ZMYND8: variants seen among roughly 807,000 people sequenced by gnomAD.
ZMYND8 encodes the protein zinc finger MYND-type containing 8, also known as MYND-type zinc finger-containing chromatin reader ZMYND8.
ZMYND8 carries 37 observed loss-of-function variants against 140.8 expected under a neutral mutation model. The observed-to-expected ratio is 0.26, with a 90% CI of 0.20 to 0.35. The LOEUF (loss-of-function observed/expected upper bound fraction) is 0.35. Ranked by LOEUF, ZMYND8 falls within the 10% of genes least tolerant of loss-of-function variation. The pLI is 1.00. For synonymous variants in ZMYND8, 592 were observed against 597.1 expected, an observed-to-expected ratio of 0.99 and a Z score of 0.12; for missense variants, 1,068 against 1,570.0, an observed-to-expected ratio of 0.68 and a Z score of 5.40.
At chr20:47,327,046 A>T (rs567796129) in intron 2 of ZMYND8, among the ~76,000 whole-genome samples, 1 of 152,120 alleles carries the variant, frequency 6.6e-6, no homozygotes, top group Non-Finnish European at 1.5e-5. Flanking sequence ...AAACCAGGTC[A>T]GCCTTATTAG....
At chr20:47,224,175 G>A (rs2037379429) in intron 19 of ZMYND8, 142 bp downstream of exon 19, 2 of 1,384,204 alleles carry the variant, frequency 1.4e-6, no homozygotes, top group African/African-American at 2.9e-5. Context: ...CTGTGTGTAA[G>A]ACACAATTGT....
intron 2 of ZMYND8, among the ~76,000 whole-genome samples, chr20:47,335,915 T>C (rs1205151602): frequency 6.6e-6 from 1 of 152,216 alleles, no homozygotes; most frequent in Non-Finnish European, 1.5e-5. Context: ...AATCTGGTAG[T>C]CATCTAACTC....
intron 21 of ZMYND8, among the ~76,000 whole-genome samples, chr20:47,215,199 C>A (rs940981200): frequency 1.3e-5 from 2 of 152,070 alleles, no homozygotes; most frequent in African/African-American, 4.8e-5. Flanking sequence ...ACGGTGAAAC[C>A]CCATCTCTAA....
intron 3 of ZMYND8, among the ~76,000 whole-genome samples, chr20:47,302,678 C>T (rs2078150403): frequency 6.6e-6 from 1 of 152,048 alleles, no homozygotes; most frequent in Non-Finnish European, 1.5e-5. Flanking sequence ...AAGACTCAAA[C>T]CTGGGTCTCC....
In ZMYND8 at chr20:47,210,412, C is replaced by CT. The variant is rs770865032; in HGVS notation, c.*348dup. The CT allele has an allele frequency of 6.3e-3, 644 of 102,408 alleles. 3 individuals are homozygous for CT. Among genetic ancestry groups the CT allele is most frequent in the Admixed American group, 0.022 (238 of 10,750 alleles). 6.3% of individuals were successfully genotyped at this position (102,408 alleles called of 1,614,324 possible). A position where few individuals can be genotyped will look rare whatever the true frequency, so the allele number is the denominator to read the frequency against. ...TCTTTTTTGTTGTTGGGGTTGGTTG[C>CT]TTTTTTTTTTTTTTTTAAATCGTTT... On this transcript the variant is annotated 3_prime_UTR_variant, in exon 23 of 23. Coordinates refer to ENST00000471951, the MANE Select transcript of ZMYND8 (RefSeq NM_001281775.3).
chr20:47,219,638 T>G (rs1374867570), intron 21 of ZMYND8, among the ~76,000 whole-genome samples: 1 of 151,970 alleles, frequency 6.6e-6, no homozygotes, highest in Non-Finnish European at 1.5e-5. Flanking sequence ...TCTGAACCCT[T>G]CTGGAATGAC....
intron 2 of ZMYND8, among the ~76,000 whole-genome samples, chr20:47,327,116 G>A (rs1272270841): frequency 6.6e-6 from 1 of 152,040 alleles, no homozygotes; most frequent in Non-Finnish European, 1.5e-5. Flanking sequence ...GGAGCAATCA[G>A]TGGCCAGGAA....
At chr20:47,349,123 C>G (rs1006361348) in intron 1 of ZMYND8, 1 of 152,184 alleles carries the variant, frequency 6.6e-6, no homozygotes, top group African/African-American at 2.4e-5. Context: ...CCTCATGTCT[C>G]GAACCCTAGT....
chr20:47,213,284 CAG>C (rs1253991152), intron 21 of ZMYND8, among the ~76,000 whole-genome samples: 1 of 152,094 alleles, frequency 6.6e-6, no homozygotes, highest in African/African-American at 2.4e-5. Flanking sequence ...CCTCTGAAAT[CAG>C]AGTCAAAAAA....
chr20:47,319,253 G>A, intron 2 of ZMYND8: 1 of 353,864 alleles, frequency 2.8e-6, no homozygotes, highest in Non-Finnish European at 5.6e-6. Flanking sequence ...ACCCTCAACA[G>A]CAGCTCGGCT....
chr20:47,250,225 T>G (rs2074060629), intron 12 of ZMYND8, among the ~76,000 whole-genome samples: 1 of 152,140 alleles, frequency 6.6e-6, no homozygotes, highest in South Asian at 2.1e-4. Flanking sequence ...GCAGGACAGA[T>G]TCCAAAGTCA....
At chr20:47,256,090 G>A (rs1397103258) in intron 12 of ZMYND8, among the ~76,000 whole-genome samples, 1 of 151,134 alleles carries the variant, frequency 6.6e-6, no homozygotes, top group East Asian at 1.9e-4. Context: ...AAAAAAGACA[G>A]ATTTTTGTTC....
intron 12 of ZMYND8, among the ~76,000 whole-genome samples, chr20:47,261,993 C>G (rs937729113): frequency 2.0e-5 from 3 of 152,018 alleles, no homozygotes; most frequent in Admixed American, 2.0e-4. Flanking sequence ...ATCACTTCAA[C>G]CCAGGAGGCG....
At chr20:47,312,125 C>G (rs1183745159) in intron 2 of ZMYND8, among the ~76,000 whole-genome samples, 1 of 152,164 alleles carries the variant, frequency 6.6e-6, no homozygotes, top group Non-Finnish European at 1.5e-5. Flanking sequence ...ATGTCAATTA[C>G]CAAAGATGCT....
At position 47,229,815 on chromosome 20, in the gene ZMYND8, T is replaced by C. The variant is rs2038219726; in HGVS notation, c.2857-9A>G. The C allele has an allele frequency of 6.2e-7, 1 of 1,607,866 alleles. No individual in the cohort carries two copies. The highest frequency in any genetic ancestry group is 8.5e-7 in the Non-Finnish European group (1 of 1,176,128). ...TTTATTGCATCCATCATCTGAAAGATAAAAACAGAAACAATTCAGCTGATC... is the reference window on the plus strand; with the variant it reads ...TTTATTGCATCCATCATCTGAAAGACAAAAACAGAAACAATTCAGCTGATC... On this transcript the variant is annotated splice_polypyrimidine_tract_variant and intron_variant, in intron 16 of 22. Transcript: ENST00000471951.
chr20:47,300,884 TTGTGTGTGTGTGTGTGTGTG>T (rs200833449), intron 3 of ZMYND8, among the ~76,000 whole-genome samples: 3,930 of 130,370 alleles, frequency 0.03, 72 homozygotes, highest in East Asian at 0.065. Context: ...ACAACTAATT[TTGTGTGTGTGTGTGTGTGTG>T]TGTGTGTGTG....
intron 9 of ZMYND8, among the ~76,000 whole-genome samples, chr20:47,282,677 T>A (rs1436359562): frequency 6.8e-6 from 1 of 146,214 alleles, no homozygotes; most frequent in African/African-American, 2.6e-5. Flanking sequence ...GTGAGTCAAA[T>A]CACGCCACTG....
chr20:47,306,729 A>G (rs976952301), intron 3 of ZMYND8, among the ~76,000 whole-genome samples: 4 of 151,900 alleles, frequency 2.6e-5, no homozygotes, highest in Middle Eastern at 3.2e-3. Context: ...AGCCCAGCCT[A>G]TTTGCTCTTT....
chr20:47,326,829 CAG>C (rs1005484363), intron 2 of ZMYND8, among the ~76,000 whole-genome samples: 6 of 152,198 alleles, frequency 3.9e-5, no homozygotes, highest in Admixed American at 3.3e-4. Context: ...TCGAGCTTCT[CAG>C]AGTGTCAGCA....
Sources: gnomAD v4.1 joint callset for allele counts (sites outside exome capture counted in the v4.1 genomes callset) on GRCh38, gnomAD v4.1.1 for gene constraint, MANE v1.5 for transcripts, NCBI Gene and HGNC (gene_info 2026-07-23, HGNC 2026-07-21) for gene names.